The following CCDC192 variants were observed in gnomAD, a reference collection of about 807,000 sequenced individuals.
CCDC192 encodes the protein coiled-coil domain containing 192.
chr5:127,752,487 T>G (rs544450942), intron 2 of CCDC192, among the ~76,000 whole-genome samples: 5 of 152,200 alleles, frequency 3.3e-5, no homozygotes, highest in Non-Finnish European at 5.9e-5. Context: ...TCTCCAGCTG[T>G]GTACTGGAAG....
At chr5:127,717,364 T>A (rs192351785) in intron 2 of CCDC192, among the ~76,000 whole-genome samples, 2 of 152,262 alleles carry the variant, frequency 1.3e-5, no homozygotes, top group East Asian at 3.9e-4. Flanking sequence ...TCCCATTCTG[T>A]TCCCTGCTCC....
At chr5:127,913,759 T>C (rs1199887582) in intron 6 of CCDC192, among the ~76,000 whole-genome samples, 2 of 152,254 alleles carry the variant, frequency 1.3e-5, no homozygotes, top group Non-Finnish European at 2.9e-5. Context: ...TAAAACCAGA[T>C]GAACTGCCTG....
At position 127,784,912 on chromosome 5, in the gene CCDC192, T is replaced by C. The variant is rs551702380; in HGVS notation, c.223-12191T>C. On this transcript the variant is annotated intron_variant, in intron 3 of 6. Coordinates refer to ENST00000514853, the MANE Select transcript of CCDC192 (RefSeq NM_001317938.2). Reference sequence around the variant, plus strand: ...ATTGATGTTAACCCTTAATTTCTAATTTTTATAACCAAGATGTAATTTTAT... The same window carrying C: ...ATTGATGTTAACCCTTAATTTCTAACTTTTATAACCAAGATGTAATTTTAT... The C allele has an allele frequency of 2.7e-5, 12 of 450,634 alleles. No individual in the cohort carries two copies. The East Asian group carries it at 6.9e-4, about 26-fold the overall frequency. 27.9% of individuals were successfully genotyped at this position (450,634 alleles called of 1,614,324 possible).
chr5:127,939,690 T>G (rs145787120), intron 6 of CCDC192, among the ~76,000 whole-genome samples: 1 of 28,078 alleles, frequency 3.6e-5, no homozygotes, highest in Non-Finnish European at 7.8e-5. Context: ...TTTTTATGTT[T>G]TTTTTTTTTT....
intron 3 of CCDC192, among the ~76,000 whole-genome samples, 159 bp downstream of exon 3, chr5:127,754,534 C>CCA (rs1315304133): frequency 6.6e-6 from 1 of 151,090 alleles, no homozygotes; most frequent in Non-Finnish European, 1.5e-5. Context: ...CCCCCCCACC[C>CCA]CACACACACA....
chr5:127,920,407 CT>C (rs11388727), intron 6 of CCDC192, among the ~76,000 whole-genome samples: 246 of 115,782 alleles, frequency 2.1e-3, no homozygotes, highest in East Asian at 5.9e-3. Context: ...ACTGAAGAGG[CT>C]TTTTTTTTTT....
intron 5 of CCDC192, among the ~76,000 whole-genome samples, chr5:127,841,308 G>T (rs1351407623): frequency 6.6e-6 from 1 of 152,172 alleles, no homozygotes; most frequent in Non-Finnish European, 1.5e-5. Context: ...GAGCCCTTCA[G>T]ATTTGTCCTC....
At chr5:127,749,393 C>G (rs1753987042) in intron 2 of CCDC192, among the ~76,000 whole-genome samples, 1 of 152,206 alleles carries the variant, frequency 6.6e-6, no homozygotes, top group African/African-American at 2.4e-5. Context: ...GTCTTTGGCT[C>G]TTTTTATATG....
intron 6 of CCDC192, among the ~76,000 whole-genome samples, chr5:127,881,740 A>G (rs1159130240): frequency 6.6e-6 from 1 of 152,256 alleles, no homozygotes; most frequent in Non-Finnish European, 1.5e-5. Context: ...ACTTACTTAC[A>G]GCCTGAGTGT....
intron 5 of CCDC192, among the ~76,000 whole-genome samples, chr5:127,817,608 G>A (rs1251672017): frequency 2.0e-5 from 3 of 152,186 alleles, no homozygotes; most frequent in South Asian, 2.1e-4. Flanking sequence ...ATTGGCCTGA[G>A]GGGGTGAGAT....
chr5:127,744,591 A>T (rs1176866894), intron 2 of CCDC192, among the ~76,000 whole-genome samples: 1 of 152,210 alleles, frequency 6.6e-6, no homozygotes, highest in Non-Finnish European at 1.5e-5. Context: ...ACTTTTATTT[A>T]AAAATCTTGC....
At chr5:127,795,109 A>G (rs1330184492) in intron 3 of CCDC192, among the ~76,000 whole-genome samples, 1 of 152,082 alleles carries the variant, frequency 6.6e-6, no homozygotes, top group African/African-American at 2.4e-5. Context: ...CCTGGGCAAC[A>G]TGGTGAAAAC....
At chr5:127,924,084 T>C (rs1248219924) in intron 6 of CCDC192, among the ~76,000 whole-genome samples, 1 of 152,188 alleles carries the variant, frequency 6.6e-6, no homozygotes, top group Non-Finnish European at 1.5e-5. Context: ...TCACAGACAA[T>C]ATTGATTCTT....
At chr5:127,817,537 A>C (rs1453695442) in intron 5 of CCDC192, among the ~76,000 whole-genome samples, 1 of 152,244 alleles carries the variant, frequency 6.6e-6, no homozygotes, top group African/African-American at 2.4e-5. Context: ...AGCCAAAAAC[A>C]AAACTCCACA....
intron 3 of CCDC192, chr5:127,786,787 A>C: frequency 1.6e-6 from 1 of 617,852 alleles, no homozygotes; most frequent in Non-Finnish European, 3.0e-6. Context: ...TGTTTGTATA[A>C]TTCCAGGCCA....
chr5:127,752,390 C>G (rs1250588837), intron 2 of CCDC192, among the ~76,000 whole-genome samples: 1 of 152,168 alleles, frequency 6.6e-6, no homozygotes, highest in African/African-American at 2.4e-5. Context: ...TGTCAGTGTG[C>G]CCCTGCTGGA....
chr5:127,752,412 A>T (rs987031239), intron 2 of CCDC192, among the ~76,000 whole-genome samples: 1 of 152,122 alleles, frequency 6.6e-6, no homozygotes, highest in African/African-American at 2.4e-5. Flanking sequence ...GGTGCCTCCC[A>T]GTTAGGCTGC....
At chr5:127,773,065 A>G (rs1172839386) in intron 3 of CCDC192, among the ~76,000 whole-genome samples, 1 of 152,208 alleles carries the variant, frequency 6.6e-6, no homozygotes. Flanking sequence ...GCTACCTCAC[A>G]GAAGAGAAAA....
intron 5 of CCDC192, among the ~76,000 whole-genome samples, chr5:127,828,678 G>A (rs896357949): frequency 1.2e-4 from 18 of 152,148 alleles, no homozygotes; most frequent in African/African-American, 4.1e-4. Context: ...GCCCCTAATT[G>A]AGCCTGAGAG....
Sources: allele counts gnomAD v4.1 joint callset (sites outside exome capture counted in the v4.1 genomes callset), GRCh38; gene constraint gnomAD v4.1.1; transcripts MANE v1.5; gene names NCBI Gene and HGNC (gene_info 2026-07-23, HGNC 2026-07-21).